Variants in ANKS1B observed in about 807,000 individuals in gnomAD.
The protein encoded by ANKS1B is ankyrin repeat and sterile alpha motif domain containing 1B, also known as ankyrin repeat and sterile alpha motif domain-containing protein 1B.
In ANKS1B, 36 loss-of-function variants were observed where a neutral mutation model predicts 148.3. The ratio of observed to expected loss-of-function variants is 0.24; its 90% CI spans 0.19 to 0.32. The LOEUF is 0.32. ANKS1B is among the 10% of genes least tolerant of loss of function. The pLI is 1.00. For synonymous variants in ANKS1B, 542 were observed against 560.8 expected (o/e 0.97, Z 0.47); for missense variants, 1,157 against 1,542.6 (o/e 0.75, Z 4.19).
intron 12 of ANKS1B, among the ~76,000 whole-genome samples, chr12:99,293,789 A>G (rs144270627): frequency 5.4e-4 from 83 of 152,340 alleles, no homozygotes; most frequent in Non-Finnish European, 1.0e-3. Flanking sequence ...CAAGGAATTA[A>G]TAACCAAAAT....
chr12:99,260,726 A>G (rs2075836869), intron 12 of ANKS1B, among the ~76,000 whole-genome samples: 1 of 152,198 alleles, frequency 6.6e-6, no homozygotes, highest in African/African-American at 2.4e-5. Context: ...GAAGAAAAAA[A>G]TATGCTTTAA....
intron 11 of ANKS1B, among the ~76,000 whole-genome samples, chr12:99,439,043 C>T (rs1172117338): frequency 6.6e-6 from 1 of 151,792 alleles, no homozygotes; most frequent in Non-Finnish European, 1.5e-5. Context: ...TGCATTTCTA[C>T]ATGCCAACAA....
intron 17 of ANKS1B, among the ~76,000 whole-genome samples, chr12:98,978,548 A>G (rs2099902062): frequency 6.6e-6 from 1 of 152,128 alleles, no homozygotes; most frequent in African/African-American, 2.4e-5. Flanking sequence ...CTGTGGGCTT[A>G]GAGTACTCAC....
At chr12:99,187,391 C>T (rs760813046) in intron 14 of ANKS1B, among the ~76,000 whole-genome samples, 4 of 151,920 alleles carry the variant, frequency 2.6e-5, no homozygotes, top group East Asian at 1.9e-4. Context: ...CATAATTGTC[C>T]GATTCACCAA....
At chr12:99,166,142 CACA>C (rs2077167068) in intron 14 of ANKS1B, among the ~76,000 whole-genome samples, 1 of 151,432 alleles carries the variant, frequency 6.6e-6, no homozygotes, top group African/African-American at 2.4e-5. Context: ...GGCATTTATA[CACA>C]ACCTACAGTT....
intron 9 of ANKS1B, among the ~76,000 whole-genome samples, chr12:99,605,194 T>C (rs74433846): frequency 0.047 from 7,157 of 152,132 alleles, 519 homozygotes; most frequent in East Asian, 0.35. Context: ...TTCATAAACA[T>C]TTTTTAAACT....
intron 10 of ANKS1B, among the ~76,000 whole-genome samples, chr12:99,488,165 G>A (rs904883): frequency 0.43 from 66,069 of 151,904 alleles, 14,723 homozygotes; most frequent in African/African-American, 0.54. Context: ...CTTTCTTTAT[G>A]TTGGTTTTGC....
chr12:99,717,853 A>G (rs565075282), intron 8 of ANKS1B, among the ~76,000 whole-genome samples: 2 of 151,408 alleles, frequency 1.3e-5, no homozygotes, highest in South Asian at 4.2e-4. Context: ...CCAGGCTTCT[A>G]AACCTCTTAA....
At chr12:99,294,660 C>T (rs73143007) in intron 12 of ANKS1B, among the ~76,000 whole-genome samples, 42,326 of 144,086 alleles carry the variant, frequency 0.29, 6,631 homozygotes, top group African/African-American at 0.47. Flanking sequence ...TATTGCACTT[C>T]TTTTTTTTTT....
Position 98,800,879 on chromosome 12 carries a change from T to A in ANKS1B, c.3270+118A>T, listed in dbSNP as rs59767729. 1.1e-3 allele frequency: 1,358 copies of A among 1,270,590 alleles called. 9 individuals are homozygous for A. The African/African-American group carries it at 0.018, about 16-fold the overall frequency. The allele number at this position is 1,270,590 out of a possible 1,614,324, so 78.7% of individuals were successfully genotyped here. On this transcript the variant is annotated intron_variant, in intron 21 of 26. Transcript: ENST00000683438. ...AGAAAAAGTGAAGAGAAAAACATTT[T>A]AAAAATTTCAGTGATGGATATGGAT...
chr12:99,552,365 G>A (rs1201723367), intron 9 of ANKS1B, among the ~76,000 whole-genome samples: 2 of 152,182 alleles, frequency 1.3e-5, no homozygotes, highest in Non-Finnish European at 1.5e-5. Context: ...TGACCAAACT[G>A]AAGTAAATGA....
chr12:99,354,314 C>G (rs1566946065), intron 12 of ANKS1B, among the ~76,000 whole-genome samples: 1 of 151,934 alleles, frequency 6.6e-6, no homozygotes, highest in African/African-American at 2.4e-5. Context: ...AGAGTAAAGC[C>G]TAGAAAACAT....
At chr12:99,578,196 T>G (rs1272106546) in intron 9 of ANKS1B, among the ~76,000 whole-genome samples, 2 of 152,006 alleles carry the variant, frequency 1.3e-5, no homozygotes, top group Non-Finnish European at 2.9e-5. Flanking sequence ...CTCAACAAAT[T>G]AGATATCAAA....
In ANKS1B at chr12:99,444,272, T is replaced by C. The variant is rs1823796901; in HGVS notation, c.1439-463A>G. Among the ~76,000 whole-genome samples, 2 of 151,986 alleles carry C rather than the reference T, an allele frequency of 1.3e-5. 1 individual carries two copies. Among genetic ancestry groups the C allele is most frequent in the African/African-American group, 4.8e-5 (2 of 41,420 alleles). ...AATTCAAGCCTCCTCAAATGACTTT[T>C]CCTAGAAATCCCACAAACTATAGAA... On this transcript the variant is annotated intron_variant, in intron 10 of 26. Coordinates refer to ENST00000683438, the MANE Select transcript of ANKS1B (RefSeq NM_001352186.2).
chr12:99,453,426 C>T (rs2152828899), intron 10 of ANKS1B, among the ~76,000 whole-genome samples: 1 of 152,280 alleles, frequency 6.6e-6, no homozygotes, highest in South Asian at 2.1e-4. Context: ...AGCAAGTAAC[C>T]ACATTGTGAA....
chr12:99,645,009 C>A (rs562016341), intron 9 of ANKS1B, among the ~76,000 whole-genome samples: 1 of 152,284 alleles, frequency 6.6e-6, no homozygotes, highest in Admixed American at 6.5e-5. Context: ...CCAGATAACA[C>A]CCCCAATTCA....
chr12:99,937,476 C>A (rs2094807999), intron 1 of ANKS1B, among the ~76,000 whole-genome samples: 1 of 152,150 alleles, frequency 6.6e-6, no homozygotes, highest in African/African-American at 2.4e-5. Context: ...TTTGATCTGG[C>A]AGCTTATATT....
chr12:99,077,275 G>A (rs985649918), intron 16 of ANKS1B, among the ~76,000 whole-genome samples: 4 of 152,156 alleles, frequency 2.6e-5, no homozygotes, highest in Admixed American at 1.3e-4. Flanking sequence ...CTCTTTGACC[G>A]TGTATCTTTA....
At chr12:99,928,271 A>ATTTTTTTT (rs763106581) in intron 1 of ANKS1B, among the ~76,000 whole-genome samples, 1 of 99,068 alleles carries the variant, frequency 1.0e-5, no homozygotes, top group Non-Finnish European at 2.3e-5. Context: ...ATTTTATTTT[A>ATTTTTTTT]TTTTTTTTTT....
Sources: allele counts gnomAD v4.1 joint callset (sites outside exome capture counted in the v4.1 genomes callset), GRCh38; gene constraint gnomAD v4.1.1; transcripts MANE v1.5; gene names NCBI Gene and HGNC (gene_info 2026-07-23, HGNC 2026-07-21).